The following PTPN23 variants were observed in gnomAD, a reference collection of about 807,000 sequenced individuals.
PTPN23 encodes protein tyrosine phosphatase non-receptor type 23.
A neutral mutation model predicts 156.3 loss-of-function variants in PTPN23; 72 were observed. The ratio of observed to expected loss-of-function variants is 0.46; its 90% confidence interval spans 0.38 to 0.56. The LOEUF is 0.56. Ranked by LOEUF, PTPN23 falls within the 20% of genes least tolerant of loss-of-function variation. The pLI, the probability that PTPN23 is intolerant of heterozygous loss-of-function variation, is 0.00. For missense variants in PTPN23, 1,974 were observed against 2,171.5 expected (o/e 0.91, Z 1.81); for synonymous variants, 957 against 899.6 (o/e 1.06, Z -1.14).
chr3:47,381,063 G>GGAGTGGCC lies in PTPN23; in HGVS notation c.-32_-25dup, dbSNP rs1472202017. ...TGAGCCAGCAGCTGCAGCAGCTACG[G>GGAGTGGCC]GAGTGGCCGGGTGGCCGGCGGGTGC... On this transcript the variant is annotated 5_prime_UTR_variant, in exon 1 of 25. Coordinates refer to ENST00000265562, the MANE Select transcript of PTPN23 (RefSeq NM_015466.4). The GGAGTGGCC allele has an allele frequency of 6.4e-7, 1 of 1,554,948 alleles. No homozygotes were observed. The highest frequency in any genetic ancestry group is 1.9e-5 in the Admixed American group (1 of 51,472).
chr3:47,398,621 A>C (rs1704929176), intron 2 of PTPN23, among the ~76,000 whole-genome samples: 1 of 149,082 alleles, frequency 6.7e-6, no homozygotes, highest in Non-Finnish European at 1.5e-5. Flanking sequence ...GCAGGAGTGC[A>C]GTGGCACAAT....
chr3:47,411,149 A>G lies in PTPN23; in HGVS notation c.3351A>G (p.Ala1117=). 1 of 1,602,026 alleles carries G rather than the reference A, an allele frequency of 6.2e-7. No individual in the cohort carries two copies. Among genetic ancestry groups the G allele is most frequent in the Non-Finnish European group, 8.5e-7 (1 of 1,175,870 alleles). The part of the protein sequence containing the change: ...PPCLRRGAAA[A]DLLSSSPESQ... Reference sequence around the variant, plus strand: ...GCCTGCGCCGAGGCGCCGCAGCTGCAGACCTGCTCTCCTCCAGCCCGGAGA... The same window carrying G: ...GCCTGCGCCGAGGCGCCGCAGCTGCGGACCTGCTCTCCTCCAGCCCGGAGA... Residue 1117 remains alanine (A), a synonymous_variant, in exon 20 of 25, where the codon GCA becomes GCG. Coordinates refer to ENST00000265562, the MANE Select transcript of PTPN23 (RefSeq NM_015466.4). The surrounding 1 kb of genome is among the most constrained non-coding windows in gnomAD (Gnocchi z 6.3).
In PTPN23 at chr3:47,410,114, TCCCAGCCCCTTC is replaced by T. The variant is rs1474306556; in HGVS notation, c.2323_2334del (p.Pro775_Ser778del). 4 of 1,600,256 alleles carry T rather than the reference TCCCAGCCCCTTC, an allele frequency of 2.5e-6. No individual in the cohort carries two copies. The highest frequency in any genetic ancestry group is 4.5e-5 in the East Asian group (2 of 44,788). On this transcript the variant is annotated inframe_deletion, in exon 20 of 25. Coordinates refer to ENST00000265562, the MANE Select transcript of PTPN23 (RefSeq NM_015466.4). ...GAAGTGCCACCCCGCTCCACTTTCC[TCCCAGCCCCTTC>T]CCCAGCTCCACAGGCCCAGGACCCC...
chr3:47,381,893 C>T (rs1358128627), intron 1 of PTPN23, among the ~76,000 whole-genome samples: 1 of 152,108 alleles, frequency 6.6e-6, no homozygotes, highest in Non-Finnish European at 1.5e-5. Context: ...TTGACTAAGG[C>T]AAGGAACTTC....
intron 2 of PTPN23, among the ~76,000 whole-genome samples, chr3:47,398,746 G>C (rs1704931496): frequency 1.3e-5 from 2 of 152,102 alleles, no homozygotes; most frequent in African/African-American, 4.8e-5. Flanking sequence ...TAAATTTTTT[G>C]TAGAGATGGG....
rs73834305 is a variant in PTPN23, at chr3:47,387,211, C to T, written c.84+6031C>T. The stretch of plus-strand genomic sequence containing the variant: ...GAGCTGAAGATTTCACTTGGCAATA[C>T]GCCATTCTCTGAATATAATTAGTCT... On this transcript the variant is annotated intron_variant, in intron 1 of 24. Coordinates refer to ENST00000265562, the MANE Select transcript of PTPN23 (RefSeq NM_015466.4). Among the ~76,000 whole-genome samples, 258 of 152,252 alleles carry T rather than the reference C, an allele frequency of 1.7e-3. 2 individuals are homozygous for T. Among genetic ancestry groups the T allele is most frequent in the African/African-American group, 5.8e-3 (243 of 41,556 alleles).
intron 2 of PTPN23, among the ~76,000 whole-genome samples, chr3:47,397,424 G>A (rs1057428304): frequency 5.3e-5 from 8 of 152,280 alleles, no homozygotes; most frequent in Middle Eastern, 6.8e-3. Flanking sequence ...TGTACTATTG[G>A]ATAACAACAT....
Position 47,404,750 on chromosome 3 carries a change from G to C in PTPN23, c.258G>C (p.Ser86=). 2 of 1,613,768 alleles carry C rather than the reference G, an allele frequency of 1.2e-6. No homozygotes were observed. The highest frequency in any genetic ancestry group is 8.5e-7 in the Non-Finnish European group (1 of 1,180,014). Residue 86 remains serine (S), a synonymous_variant, in exon 3 of 25, where the codon TCG becomes TCC. Transcript: ENST00000265562. Reference sequence around the variant, plus strand: ...TGCAGAGTCGGGTCCCCATGGGCTCGGGCCAGGAGGCCGCTGTCCCTGTCA... The same window carrying C: ...TGCAGAGTCGGGTCCCCATGGGCTCCGGCCAGGAGGCCGCTGTCCCTGTCA... ...HYLQSRVPMG[S]GQEAAVPVTW... is the part of the protein sequence containing the mutation.
Position 47,409,566 on chromosome 3 carries a change from A to T in PTPN23, c.1947A>T (p.Gln649His), listed in dbSNP as rs377452924. The change falls in exon 18 of 25, where the codon CAA becomes CAT. Residue 649 changes from glutamine (Q) to histidine (H), a missense_variant and splice_region_variant. By Grantham distance (24) the Gln-to-His change is conservative. Transcript: ENST00000265562. ...GGCGGGTACTCAGCGACTTGGACCA[A>T]AAGTCAGTGCCCAGTCCTCTGCTCT... ...AVRRVLSDLD[Q>H]KWNSTLQTLV... The T allele has an allele frequency of 1.2e-6, 2 of 1,613,348 alleles. No homozygotes were observed. Among genetic ancestry groups the T allele is most frequent in the Non-Finnish European group, 1.7e-6 (2 of 1,179,496 alleles).
chr3:47,408,002 C>T (rs375678328), intron 14 of PTPN23, 47 bp downstream of exon 14: 36 of 1,595,730 alleles, frequency 2.3e-5, no homozygotes, highest in African/African-American at 1.6e-4. Flanking sequence ...CAGCACTTCC[C>T]GGGCCTCTGG....
Position 47,407,245 on chromosome 3 carries a change from A to AG in PTPN23, c.865-59dup. 1 of 1,613,458 alleles carries AG rather than the reference A, an allele frequency of 6.2e-7. No homozygotes were observed. The highest frequency in any genetic ancestry group is 8.5e-7 in the Non-Finnish European group (1 of 1,179,528). The stretch of plus-strand genomic sequence containing the variant: ...TATAGGAGCAAGCCCGGTAGGACTG[A>AG]GGGGGTGTCCTGGTGCCAGCCTTGG... On this transcript the variant is annotated intron_variant, in intron 10 of 24. Coordinates refer to ENST00000265562, the MANE Select transcript of PTPN23 (RefSeq NM_015466.4). The surrounding 1 kb of genome is among the most constrained non-coding windows in gnomAD (Gnocchi z 4.0).
chr3:47,409,687 C>G lies in PTPN23; in HGVS notation c.1982C>G (p.Ser661Trp). 6.2e-7 allele frequency: 1 copy of G among 1,610,160 alleles called. No individual in the cohort carries two copies. The highest frequency in any genetic ancestry group is 8.5e-7 in the Non-Finnish European group (1 of 1,179,826). The change falls in exon 19 of 25, where the codon TCG becomes TGG. Residue 661 changes from serine (S) to tryptophan (W), a missense_variant. Transcript: ENST00000265562. ...WNSTLQTLVA[S>W]YEAYEDLMKK... The stretch of plus-strand genomic sequence containing the variant: ...TCCACGCTGCAGACCCTGGTGGCCT[C>G]GTATGAAGCCTATGAGGACCTGATG...
intron 2 of PTPN23, among the ~76,000 whole-genome samples, chr3:47,396,887 A>T (rs1704890554): frequency 6.6e-6 from 1 of 152,072 alleles, no homozygotes; most frequent in Non-Finnish European, 1.5e-5. Flanking sequence ...CCATGTTCAT[A>T]CCACTGTACT....
Position 47,396,874 on chromosome 3 carries a change from C to T in PTPN23, c.159+657C>T, listed in dbSNP as rs1196575450. 2.6e-5 allele frequency among the ~76,000 whole-genome samples: 4 copies of T among 152,238 alleles called. No individual in the cohort carries two copies. The South Asian group carries it at 8.3e-4, about 32-fold the overall frequency. ...CCAGGAGGTTGGGACTGCAGTGAGCCAACCATGTTCATACCACTGTACTCC... is the reference window on the plus strand; with the variant it reads ...CCAGGAGGTTGGGACTGCAGTGAGCTAACCATGTTCATACCACTGTACTCC... On this transcript the variant is annotated intron_variant, in intron 2 of 24. Coordinates refer to ENST00000265562, the MANE Select transcript of PTPN23 (RefSeq NM_015466.4).
At chr3:47,412,649 C>T (rs775886006) in intron 24 of PTPN23, 22 bp downstream of exon 24, 2 of 1,608,318 alleles carry the variant, frequency 1.2e-6, no homozygotes, top group Non-Finnish European at 1.7e-6. Flanking sequence ...TCCGTGGAAG[C>T]TGCTGGGAGA....
At chr3:47,382,854 A>G (rs1704577340) in intron 1 of PTPN23, among the ~76,000 whole-genome samples, 1 of 151,186 alleles carries the variant, frequency 6.6e-6, no homozygotes, top group African/African-American at 2.4e-5. Flanking sequence ...ACCCCTGCCT[A>G]ATTTTTTGTA....
intron 2 of PTPN23, among the ~76,000 whole-genome samples, chr3:47,403,297 C>T (rs192273009): frequency 1.4e-4 from 21 of 152,234 alleles, no homozygotes; most frequent in Non-Finnish European, 2.8e-4. Flanking sequence ...CGTGATCCTC[C>T]CGCCTCGGCC....
At position 47,412,206 on chromosome 3, in the gene PTPN23, G is replaced by A. The variant is rs781054788; in HGVS notation, c.4178+8G>A. On this transcript the variant is annotated splice_region_variant and intron_variant, in intron 22 of 24. Coordinates refer to ENST00000265562, the MANE Select transcript of PTPN23 (RefSeq NM_015466.4). ...CATCATTGTGCACTGCAGGTAGAGGGTGGGCCTGAGGGTCTCTCCTCTATG... is the reference window on the plus strand; with the variant it reads ...CATCATTGTGCACTGCAGGTAGAGGATGGGCCTGAGGGTCTCTCCTCTATG... The A allele has an allele frequency of 4.3e-6, 7 of 1,613,124 alleles. No homozygotes were observed. The highest frequency in any genetic ancestry group is 1.6e-4 in the Middle Eastern group (1 of 6,084).
rs758897665 is a variant in PTPN23, at chr3:47,409,780, G to A, written c.2075G>A (p.Arg692His). 4.4e-5 allele frequency: 70 copies of A among 1,607,838 alleles called. No homozygotes were observed. The Middle Eastern group carries it at 6.6e-4, about 15-fold the overall frequency. Residue 692 changes from arginine to histidine, a missense_variant, in exon 19 of 25, where the codon CGC (arginine) becomes CAC (histidine). Coordinates refer to ENST00000265562, the MANE Select transcript of PTPN23 (RefSeq NM_015466.4). ...LESKVAALLE[R>H]TQSTCQAREA... ...AGCAAGGTGGCTGCTCTGCTGGAGC[G>A]CACGCAGTCCACCTGCCAGGCCCGC... is the stretch of plus-strand genomic sequence containing the variant.
Sources: gnomAD v4.1 joint callset for allele counts (sites outside exome capture counted in the v4.1 genomes callset) on GRCh38, gnomAD v4.1.1 for gene constraint, Gnocchi (gnomAD v3.1) non-coding constraint, MANE v1.5 for transcripts, NCBI Gene and HGNC (gene_info 2026-07-23, HGNC 2026-07-21) for gene names.